The following UBQLNL variants were observed in gnomAD, a reference collection of about 807,000 sequenced individuals.
The protein encoded by UBQLNL is ubiquilin-like protein.
For synonymous variants in UBQLNL, 223 were observed against 209.7 expected (o/e 1.06, Z -0.55); for missense variants, 589 against 567.1 (o/e 1.04, Z -0.39).
chr11:5,515,587 C>CA lies in UBQLNL; in HGVS notation c.824dup (p.Met275IlefsTer50), dbSNP rs1564839773. The CA allele has an allele frequency of 2.5e-6, 4 of 1,614,102 alleles. No homozygotes were observed. Among genetic ancestry groups the CA allele is most frequent in the Non-Finnish European group, 3.4e-6 (4 of 1,180,030 alleles). ...AAGGGTTTCCTCCAAAAGGATCTTGCATGCTGTTCAGCATTTGATCATTGA... is the reference window on the plus strand; with the variant it reads ...AAGGGTTTCCTCCAAAAGGATCTTGCAATGCTGTTCAGCATTTGATCATTGA... On this transcript the variant is annotated frameshift_variant, in exon 2 of 2. Coordinates refer to the UBQLNL transcript ENST00000673910. LOFTEE classifies it low-confidence loss of function (END_TRUNC).
rs1468842140 is a variant in UBQLNL, at chr11:5,515,938, G to C, written c.504C>G (p.His168Gln). The C allele has an allele frequency of 7.4e-6, 12 of 1,614,010 alleles. No homozygotes were observed. The highest frequency in any genetic ancestry group is 1.7e-5 in the Admixed American group (1 of 60,010). ...CCAGCATCTGTGCTTTGCACTCTGGGTGGCTCACTTCCAAGTTTTGGGTAT... is the reference window on the plus strand; with the variant it reads ...CCAGCATCTGTGCTTTGCACTCTGGCTGGCTCACTTCCAAGTTTTGGGTAT... ...KVHTQNLEVSHPECKAQMLEN... is the reference protein window; with the variant it reads ...KVHTQNLEVSQPECKAQMLEN... The change falls in exon 1 of 1, where the codon CAC becomes CAG. Residue 168 changes from histidine to glutamine, a missense_variant. By Grantham distance (24) the His-to-Gln change is conservative (BLOSUM62 0). Transcript: ENST00000380184.
At position 5,516,465 on chromosome 11, in the gene UBQLNL, G is replaced by C. The variant is rs535605711; in HGVS notation, c.-24C>G. ...ATGGGCTTTAGTGGGTGGGCAGATG[G>C]GGAGCAGGTGGAAGCTGGGGCAGAA... On this transcript the variant is annotated 5_prime_UTR_variant, in exon 1 of 1. Coordinates refer to ENST00000380184, the MANE Select transcript of UBQLNL (RefSeq NM_145053.5). The C allele has an allele frequency of 4.4e-6, 7 of 1,597,880 alleles. No homozygotes were observed. The South Asian group carries it at 5.6e-5, about 13-fold the overall frequency.
chr11:5,515,021 C>CT lies in UBQLNL; in HGVS notation c.1390dup (p.Ser464LysfsTer143). On this transcript the variant is annotated frameshift_variant, in exon 2 of 2. Coordinates refer to the UBQLNL transcript ENST00000673910. LOFTEE classifies it high-confidence loss of function. ...GGAATGCTTTAGGGTTGCCTAAGCACTAAGCAGATCAGAAATCTGTGTCTG... is the reference window on the plus strand; with the variant it reads ...GGAATGCTTTAGGGTTGCCTAAGCACTTAAGCAGATCAGAAATCTGTGTCTG... 6.2e-7 allele frequency: 1 copy of CT among 1,613,436 alleles called. No homozygotes were observed. The highest frequency in any genetic ancestry group is 8.5e-7 in the Non-Finnish European group (1 of 1,179,812).
At position 5,516,008 on chromosome 11, in the gene UBQLNL, G is replaced by T. The variant is rs1846530955; in HGVS notation, c.434C>A (p.Pro145Gln). Residue 145 changes from proline (P) to glutamine (Q), a missense_variant, in exon 1 of 1, where the codon CCA (proline) becomes CAA (glutamine). Pro to Gln is a moderately conservative substitution (Grantham distance 76). Coordinates refer to ENST00000380184, the MANE Select transcript of UBQLNL (RefSeq NM_145053.5). ...CCCCACAAAGTGGGCCAGTTCCACT[G>T]GAGCTTGATTCATACCAGTTGGTTG... ...VHQPTGMNQA[P>Q]VELAHFVGSD... The T allele has an allele frequency of 6.2e-7, 1 of 1,613,980 alleles. No homozygotes were observed. The highest frequency in any genetic ancestry group is 1.7e-5 in the Admixed American group (1 of 59,988).
Position 5,515,713 on chromosome 11 carries a change from T to G in UBQLNL, c.729A>C (p.Gln243His), listed in dbSNP as rs1316023372. Residue 243 changes from glutamine to histidine, a missense_variant, in exon 1 of 1, where the codon CAA becomes CAC. Physicochemically the swap from Gln to His is conservative, Grantham distance 24. Coordinates refer to ENST00000380184, the MANE Select transcript of UBQLNL (RefSeq NM_145053.5). ...AMIQEIMQIQ[Q>H]PSQNLEYPLN... ...GTGGATACTCAAGGTTTTGTGAAGG[T>G]TGTTGGATCTGCATTATCTCTTGGA... is the stretch of plus-strand genomic sequence containing the variant. The G allele has an allele frequency of 6.2e-7, 1 of 1,614,074 alleles. No homozygotes were observed. Among genetic ancestry groups the G allele is most frequent in the Non-Finnish European group, 8.5e-7 (1 of 1,180,010 alleles).
chr11:5,515,536 C>T lies in UBQLNL; in HGVS notation c.906G>A (p.Val302=). The T allele has an allele frequency of 1.2e-6, 2 of 1,614,062 alleles. No individual in the cohort carries two copies. Among genetic ancestry groups the T allele is most frequent in the South Asian group, 2.2e-5 (2 of 91,066 alleles). ...GGGGTGAAGACTGGACTTGTTCTAG[C>T]ACTTGTCCTGCCAGGAGAGCTGTGA... The part of the protein sequence containing the change: ...NPFTALLAGQ[V]LEQVQSSPPP... The change falls in exon 1 of 1, where the codon GTG becomes GTA. Residue 302 remains valine, a synonymous_variant. Transcript: ENST00000380184.
At position 5,515,075 on chromosome 11, in the gene UBQLNL, C is replaced by T; in HGVS notation, c.1337G>A (p.Trp446Ter). The change falls in exon 2 of 2, where the codon TGG becomes TAG. Residue 446 changes from tryptophan (W) to a stop codon, truncating the protein, a stop_gained. Coordinates refer to the UBQLNL transcript ENST00000673910. LOFTEE classifies it low-confidence loss of function (END_TRUNC). Reference sequence around the variant, plus strand: ...CAGGAATGTGGGCAGCTGCTGCCTCCACTGTTCACTCAGCTGGGGCATACT... The same window carrying T: ...CAGGAATGTGGGCAGCTGCTGCCTCTACTGTTCACTCAGCTGGGGCATACT... 1.9e-6 allele frequency: 3 copies of T among 1,614,198 alleles called. No homozygotes were observed. The highest frequency in any genetic ancestry group is 2.2e-5 in the South Asian group (2 of 91,078).
In UBQLNL at chr11:5,515,623, G is replaced by T; in HGVS notation, c.819C>A (p.Asn273Lys). 6.2e-7 allele frequency: 1 copy of T among 1,614,102 alleles called. No homozygotes were observed. The highest frequency in any genetic ancestry group is 8.5e-7 in the Non-Finnish European group (1 of 1,180,030). The change falls in exon 1 of 1, where the codon AAC (asparagine) becomes AAA (lysine). Residue 273 changes from asparagine to lysine, a missense_variant. Asn to Lys is a moderately conservative substitution (Grantham distance 94). Transcript: ENST00000380184. Reference sequence around the variant, plus strand: ...GCATTTGATCATTGATATCAGCATAGTTCTGACCCAGGGCATTATTCCCAC... The same window carrying T: ...GCATTTGATCATTGATATCAGCATATTTCTGACCCAGGGCATTATTCCCAC... ...MPGGNNALGQNYADINDQMLN... is the reference protein window; with the variant it reads ...MPGGNNALGQKYADINDQMLN...
Position 5,516,378 on chromosome 11 carries a change from C to G in UBQLNL, c.64G>C (p.Ala22Pro), listed in dbSNP as rs145564684. The G allele has an allele frequency of 6.6e-5, 106 of 1,613,994 alleles. No homozygotes were observed. Among genetic ancestry groups the G allele is most frequent in the Admixed American group, 1.0e-4 (6 of 60,002 alleles). The change falls in exon 1 of 1, where the codon GCA becomes CCA. Residue 22 changes from alanine to proline, a missense_variant. Ala to Pro is a conservative substitution (Grantham distance 27). Transcript: ENST00000380184. ...GCACTTGAAGAGATATTTTTGTCTG[C>G]CAGCAGACCTGATGGACATCCACTC... The part of the protein sequence containing the change: ...SQSGCPSGLL[A>P]DKNISSSATR...
rs1223422329 is a variant in UBQLNL, at chr11:5,514,707, G to A, written c.*307C>T. On this transcript the variant is annotated 3_prime_UTR_variant, in exon 1 of 1. Transcript: ENST00000380184. ...GTTCCCAAATCCCATGGCCTGGAGA[G>A]AATCCATCTGTTTGCTAAAACAAAT... The A allele has an allele frequency of 2.9e-6, 1 of 342,538 alleles. No individual in the cohort carries two copies. Among genetic ancestry groups the A allele is most frequent in the Non-Finnish European group, 5.3e-6 (1 of 187,902 alleles). The allele number at this position is 342,538 out of a possible 1,614,324, so 21.2% of individuals were successfully genotyped here.
Position 5,515,899 on chromosome 11 carries a change from G to A in UBQLNL, c.543C>T (p.Ile181=), listed in dbSNP as rs768332932. The A allele has an allele frequency of 2.5e-6, 4 of 1,614,108 alleles. No individual in the cohort carries two copies. Among genetic ancestry groups the A allele is most frequent in the Non-Finnish European group, 3.4e-6 (4 of 1,180,032 alleles). Reference sequence around the variant, plus strand: ...ACTCCATGTTGGACAGAAGCCGCTGGATGCTAGGATTCTCCAGCATCTGTG... The same window carrying A: ...ACTCCATGTTGGACAGAAGCCGCTGAATGCTAGGATTCTCCAGCATCTGTG... ...CKAQMLENPS[I]QRLLSNMEFM... The change falls in exon 1 of 1, where the codon ATC becomes ATT. Residue 181 remains isoleucine (I), a synonymous_variant. Coordinates refer to ENST00000380184, the MANE Select transcript of UBQLNL (RefSeq NM_145053.5).
chr11:5,515,355 T>C lies in UBQLNL; in HGVS notation c.1087A>G (p.Ile363Val). The change falls in exon 1 of 1, where the codon ATT becomes GTT. Residue 363 changes from isoleucine (I) to valine (V), a missense_variant. Transcript: ENST00000380184. ...NHTSKANTAM[I>V]STKGQSHICA... is the part of the protein sequence containing the mutation. ...ATATGGCTCTGGCCCTTGGTGGAAA[T>C]CATAGCAGTGTTGGCTTTGGAAGTG... 6.2e-7 allele frequency: 1 copy of C among 1,614,182 alleles called. No individual in the cohort carries two copies. The highest frequency in any genetic ancestry group is 8.5e-7 in the Non-Finnish European group (1 of 1,180,034).
Position 5,515,375 on chromosome 11 carries a change from GA to G in UBQLNL, c.1036del (p.Ser346ProfsTer7), listed in dbSNP as rs761523668. 1.9e-6 allele frequency: 3 copies of G among 1,614,202 alleles called. No homozygotes were observed. Among genetic ancestry groups the G allele is most frequent in the Non-Finnish European group, 2.5e-6 (3 of 1,180,034 alleles). On this transcript the variant is annotated frameshift_variant, in exon 2 of 2. Transcript: ENST00000673910. LOFTEE classifies it low-confidence loss of function (END_TRUNC). ...GGAAATCATAGCAGTGTTGGCTTTG[GA>G]AGTGTGGTTGACCTTGTTAAGGGTG... is the stretch of plus-strand genomic sequence containing the variant.
rs781762890 is a variant in UBQLNL, at chr11:5,515,745, C to A, written c.697G>T (p.Ala233Ser). ...LQTLELARNL[A>S]MIQEIMQIQQ... Reference sequence around the variant, plus strand: ...ATCTGCATTATCTCTTGGATCATAGCAAGGTTCCTGGCCAGCTCCAGAGTC... The same window carrying A: ...ATCTGCATTATCTCTTGGATCATAGAAAGGTTCCTGGCCAGCTCCAGAGTC... Residue 233 changes from alanine (A) to serine (S), a missense_variant, in exon 1 of 1, where the codon GCT (alanine) becomes TCT (serine). Ala to Ser is a moderately conservative substitution (Grantham distance 99, BLOSUM62 1). Transcript: ENST00000380184. 1 of 1,614,130 alleles carries A rather than the reference C, an allele frequency of 6.2e-7. No homozygotes were observed.
At position 5,515,820 on chromosome 11, in the gene UBQLNL, T is replaced by G; in HGVS notation, c.622A>C (p.Asn208His). The G allele has an allele frequency of 6.2e-7, 1 of 1,614,124 alleles. No homozygotes were observed. Among genetic ancestry groups the G allele is most frequent in the Non-Finnish European group, 8.5e-7 (1 of 1,180,020 alleles). Residue 208 changes from asparagine to histidine, a missense_variant, in exon 1 of 1, where the codon AAC becomes CAC. By Grantham distance (68) the Asn-to-His change is moderately conservative (BLOSUM62 1). Coordinates refer to ENST00000380184, the MANE Select transcript of UBQLNL (RefSeq NM_145053.5). Reference protein sequence around the residue: ...HLDTQQLMQQNPEVSRLLLDN... With the variant: ...HLDTQQLMQQHPEVSRLLLDN... ...AGAAGAAGGCGGGAAACTTCTGGGT[T>G]CTGCTGCATCAATTGTTGCGTGTCT...
At position 5,516,541 on chromosome 11, in the gene UBQLNL, C is replaced by G; in HGVS notation, c.-100G>C. On this transcript the variant is annotated 5_prime_UTR_variant, in exon 1 of 1. Transcript: ENST00000380184. The stretch of plus-strand genomic sequence containing the variant: ...GCTGGCCTTTGTCTCAGGTATTGTG[C>G]TCTCAGGCCACAGGATAGTTTCCTT... 1 of 1,045,408 alleles carries G rather than the reference C, an allele frequency of 9.6e-7. No homozygotes were observed. Among genetic ancestry groups the G allele is most frequent in the South Asian group, 1.5e-5 (1 of 65,872 alleles). 64.8% of individuals were successfully genotyped at this position (1,045,408 alleles called of 1,614,324 possible). A position where few individuals can be genotyped will look rare whatever the true frequency, so the allele number is the denominator to read the frequency against.
chr11:5,516,454 G>T lies in UBQLNL; in HGVS notation c.-13C>A, dbSNP rs370341492. On this transcript the variant is annotated 5_prime_UTR_variant, in exon 1 of 1. Transcript: ENST00000380184. ...TGGCATGCCACATGGGCTTTAGTGG[G>T]TGGGCAGATGGGGAGCAGGTGGAAG... The T allele has an allele frequency of 2.8e-4, 449 of 1,606,382 alleles. No individual in the cohort carries two copies. Among genetic ancestry groups the T allele is most frequent in the Non-Finnish European group, 3.6e-4 (426 of 1,174,252 alleles).
At position 5,516,137 on chromosome 11, in the gene UBQLNL, G is replaced by A; in HGVS notation, c.305C>T (p.Ser102Phe). Residue 102 changes from serine to phenylalanine, a missense_variant, in exon 1 of 1, where the codon TCC (serine) becomes TTC (phenylalanine). Transcript: ENST00000380184. ...DGHTIYLVIK[S>F]KQGSRSLAHS... The stretch of plus-strand genomic sequence containing the variant: ...GGCTAGAGATCTGGAGCCCTGCTTG[G>A]ACTTGATGACCAAGTAGATGGTGTG... The A allele has an allele frequency of 6.2e-7, 1 of 1,614,140 alleles. No individual in the cohort carries two copies. Among genetic ancestry groups the A allele is most frequent in the Non-Finnish European group, 8.5e-7 (1 of 1,180,026 alleles).
rs1846540124 is a variant in UBQLNL at position 5,516,617 on chromosome 11, G to A, written c.-176C>T. On this transcript the variant is annotated 5_prime_UTR_variant, in exon 1 of 1. Transcript: ENST00000380184. ...AGACTGGGGCCAGATATTTTGTGAT[G>A]TTGTGCCCTCACCCCAGTTCTCCAG... The A allele has an allele frequency of 6.4e-6, 4 of 625,200 alleles. No homozygotes were observed. Among genetic ancestry groups the A allele is most frequent in the South Asian group, 2.1e-5 (1 of 48,698 alleles). The allele number at this position is 625,200 out of a possible 1,614,324, so 38.7% of individuals were successfully genotyped here.
Sources: gnomAD v4.1 joint callset for allele counts on GRCh38, gnomAD v4.1.1 for gene constraint, MANE v1.5 for transcripts, NCBI Gene and HGNC (gene_info 2026-07-23, HGNC 2026-07-21) for gene names.